MBOAT2: variants seen among roughly 807,000 people sequenced by gnomAD.
MBOAT2 encodes membrane-bound glycerophospholipid O-acyltransferase 2.
Under a neutral mutation model 63.4 loss-of-function variants are expected in MBOAT2, and 28 were observed. That is an observed-to-expected ratio of 0.44 (90% confidence interval 0.33 to 0.61). The LOEUF is 0.61. MBOAT2 is among the 20% of genes least tolerant of loss of function. MBOAT2 has a pLI of 0.03. For missense variants in MBOAT2, 470 were observed against 605.8 expected (o/e 0.78, Z 2.35); for synonymous variants, 211 against 215.6 (o/e 0.98, Z 0.19).
At chr2:8,927,838 G>C (rs1331773856) in intron 3 of MBOAT2, among the ~76,000 whole-genome samples, 1 of 152,160 alleles carries the variant, frequency 6.6e-6, no homozygotes, top group Non-Finnish European at 1.5e-5. Flanking sequence ...GTGTGATCAG[G>C]CTTTTCTCAT....
intron 1 of MBOAT2, among the ~76,000 whole-genome samples, chr2:8,980,311 G>T (rs190210097): frequency 1.3e-5 from 2 of 152,090 alleles, no homozygotes; most frequent in African/African-American, 4.8e-5. Flanking sequence ...TGACAACAGC[G>T]GATCTGAGGC....
At position 8,854,543 on chromosome 2, in the gene MBOAT2, G is replaced by A. The variant is rs773629077; in HGVS notation, c.*4136C>T. ...CAAATTTTTAGCTGACACAGATATA[G>A]TAGGCACTATTCTGAAACAATTATT... On this transcript the variant is annotated 3_prime_UTR_variant, in exon 13 of 13. Transcript: ENST00000305997. 11 of 152,158 alleles carry A rather than the reference G, an allele frequency of 7.2e-5. No individual in the cohort carries two copies. Among genetic ancestry groups the A allele is most frequent in the Non-Finnish European group, 1.5e-4 (10 of 68,032 alleles). 9.4% of individuals were successfully genotyped at this position (152,158 alleles called of 1,614,324 possible). A position where few individuals can be genotyped will look rare whatever the true frequency, so the allele number is the denominator to read the frequency against.
chr2:8,948,546 T>C lies in MBOAT2; in HGVS notation c.222-5282A>G, dbSNP rs577678259. On this transcript the variant is annotated intron_variant, in intron 2 of 12. Transcript: ENST00000305997. ...ACCACTGCTGCCATCTTTATGTCCATGAGTACCCAAATGTTTAGCTCCCAC... is the reference window on the plus strand; with the variant it reads ...ACCACTGCTGCCATCTTTATGTCCACGAGTACCCAAATGTTTAGCTCCCAC... 1.6e-4 allele frequency among the ~76,000 whole-genome samples: 25 copies of C among 152,300 alleles called. 1 individual carries two copies. The highest frequency in any genetic ancestry group is 5.8e-4 in the African/African-American group (24 of 41,568).
chr2:8,996,569 T>A (rs1672324898), intron 1 of MBOAT2, among the ~76,000 whole-genome samples: 1 of 152,150 alleles, frequency 6.6e-6, no homozygotes, highest in Non-Finnish European at 1.5e-5. Flanking sequence ...CAGCCCTCAC[T>A]CAGGTTCGCT....
chr2:8,856,937 G>A lies in MBOAT2; in HGVS notation c.*1742C>T, dbSNP rs991583755. The A allele has an allele frequency of 2.6e-5, 4 of 152,068 alleles. No individual in the cohort carries two copies. Among genetic ancestry groups the A allele is most frequent in the Admixed American group, 6.6e-5 (1 of 15,262 alleles). 9.4% of individuals were successfully genotyped at this position (152,068 alleles called of 1,614,324 possible). On this transcript the variant is annotated 3_prime_UTR_variant, in exon 13 of 13. Transcript: ENST00000305997. The surrounding 1 kb of genome is among the most constrained non-coding windows in gnomAD (Gnocchi z 4.2). ...CTGGGTAGGGTTAGCCTTATCAGCC[G>A]GAAAACACTTACTTTTAGATAAATA...
Position 8,908,454 on chromosome 2 carries a change from A to ACTT in MBOAT2, c.395+166_395+167insAAG. On this transcript the variant is annotated intron_variant, in intron 4 of 12. Transcript: ENST00000305997. The stretch of plus-strand genomic sequence containing the variant: ...GGCTCTTACTGACTTAGATAGTACT[A>ACTT]AAAAGACTACTTACAAGAGAGAAAT... 5.4e-6 allele frequency: 3 copies of ACTT among 556,524 alleles called. No homozygotes were observed. The African/African-American group carries it at 5.8e-5, about 11-fold the overall frequency. The allele number at this position is 556,524 out of a possible 1,614,324, so 34.5% of individuals were successfully genotyped here. A position where few individuals can be genotyped will look rare whatever the true frequency, so the allele number is the denominator to read the frequency against.
intron 1 of MBOAT2, among the ~76,000 whole-genome samples, chr2:8,959,683 G>C (rs1270657802): frequency 6.6e-6 from 1 of 152,026 alleles, no homozygotes; most frequent in Non-Finnish European, 1.5e-5. Context: ...AGCTGGTCTT[G>C]AACTCCTGGG....
At chr2:8,962,904 G>A (rs1669713361) in intron 1 of MBOAT2, among the ~76,000 whole-genome samples, 1 of 152,024 alleles carries the variant, frequency 6.6e-6, no homozygotes, top group Admixed American at 6.6e-5. Flanking sequence ...TATTCAAAAG[G>A]TAGAAAGAAC....
At chr2:8,894,899 G>A (rs150640108) in intron 4 of MBOAT2, among the ~76,000 whole-genome samples, 1,670 of 151,384 alleles carry the variant, frequency 0.011, 21 homozygotes, top group South Asian at 0.019. Flanking sequence ...CAGTGGGTTC[G>A]TGGTCTCCCC....
chr2:8,948,853 T>C (rs1383850456), intron 2 of MBOAT2, among the ~76,000 whole-genome samples: 1 of 152,242 alleles, frequency 6.6e-6, no homozygotes, highest in Non-Finnish European at 1.5e-5. Context: ...TTGGGGTATA[T>C]ACCCAGTAAT....
intron 1 of MBOAT2, among the ~76,000 whole-genome samples, chr2:8,959,025 G>C (rs1429345756): frequency 1.3e-5 from 2 of 152,190 alleles, no homozygotes; most frequent in Non-Finnish European, 2.9e-5. Context: ...CCGTGAAAAA[G>C]AGGAGCACTA....
At position 8,862,492 on chromosome 2, in the gene MBOAT2, C is replaced by A; in HGVS notation, c.1185+98G>T. Reference sequence around the variant, plus strand: ...GTGGAAAGGACAATACTGACCACGACCAAGGAAAGAGGGTCTACCTTGTAA... The same window carrying A: ...GTGGAAAGGACAATACTGACCACGAACAAGGAAAGAGGGTCTACCTTGTAA... On this transcript the variant is annotated intron_variant, in intron 11 of 12. Transcript: ENST00000305997. This position sits in a 1 kb window ranked among gnomAD's most constrained non-coding sequence, Gnocchi z 4.3. The A allele has an allele frequency of 6.8e-7, 1 of 1,460,184 alleles. No individual in the cohort carries two copies. 90.5% of individuals were successfully genotyped at this position (1,460,184 alleles called of 1,614,324 possible).
chr2:8,970,006 G>A (rs1670327876), intron 1 of MBOAT2, among the ~76,000 whole-genome samples: 1 of 152,154 alleles, frequency 6.6e-6, no homozygotes, highest in Admixed American at 6.5e-5. Context: ...ACTCAGCTCT[G>A]CACCAAGTGG....
At chr2:8,963,447 G>A (rs1023335149) in intron 1 of MBOAT2, among the ~76,000 whole-genome samples, 14 of 152,210 alleles carry the variant, frequency 9.2e-5, no homozygotes, top group African/African-American at 3.1e-4. Flanking sequence ...GGGATTACAG[G>A]CATGCACTAC....
chr2:8,883,349 G>A (rs1375934715), intron 5 of MBOAT2, among the ~76,000 whole-genome samples: 6 of 152,000 alleles, frequency 3.9e-5, no homozygotes, highest in Non-Finnish European at 8.8e-5. Flanking sequence ...GATTAATAAT[G>A]TTTTCATTAT....
chr2:8,925,550 TAC>T (rs1275481813), intron 3 of MBOAT2, among the ~76,000 whole-genome samples: 2 of 152,190 alleles, frequency 1.3e-5, no homozygotes, highest in Admixed American at 6.5e-5. Context: ...GAAGAAAAGG[TAC>T]ACTCTCTAGT....
intron 2 of MBOAT2, among the ~76,000 whole-genome samples, chr2:8,956,105 A>T (rs1264172108): frequency 6.6e-6 from 1 of 152,182 alleles, no homozygotes; most frequent in East Asian, 1.9e-4. Flanking sequence ...TATTCACTGT[A>T]TTATGGGGGT....
At chr2:8,945,519 T>G (rs1314002984) in intron 2 of MBOAT2, among the ~76,000 whole-genome samples, 2 of 152,116 alleles carry the variant, frequency 1.3e-5, no homozygotes, top group East Asian at 3.9e-4. Context: ...ATGTTAAAAG[T>G]CTATTATCAT....
chr2:8,960,377 A>C (rs1009712939), intron 1 of MBOAT2, among the ~76,000 whole-genome samples: 5 of 152,238 alleles, frequency 3.3e-5, no homozygotes, highest in African/African-American at 1.2e-4. Flanking sequence ...CTAGCTCAGG[A>C]TGACTTTAGA....
Sources: allele counts gnomAD v4.1 joint callset (sites outside exome capture counted in the v4.1 genomes callset), GRCh38; gene constraint gnomAD v4.1.1; non-coding constraint Gnocchi (gnomAD v3.1); transcripts MANE v1.5; gene names NCBI Gene and HGNC (gene_info 2026-07-23, HGNC 2026-07-21).